Variants in AGFG1 observed in about 807,000 individuals in gnomAD.
AGFG1 encodes arf-GAP domain and FG repeat-containing protein 1.
In AGFG1, 10 loss-of-function variants were observed where a neutral mutation model predicts 60.6. That is an observed-to-expected ratio of 0.16 (90% CI 0.10 to 0.28). The LOEUF is 0.28. AGFG1 is among the 10% of genes least tolerant of loss of function. The pLI is 1.00. For missense variants in AGFG1, 537 were observed against 676.5 expected, an observed-to-expected ratio of 0.79 and a Z score of 2.29; for synonymous variants, 247 against 242.9, an observed-to-expected ratio of 1.02 and a Z score of -0.16.
Position 227,472,515 on chromosome 2 carries a change from TG to T in AGFG1, c.95del (p.Cys32SerfsTer11). 6.3e-7 allele frequency: 1 copy of T among 1,582,892 alleles called. No homozygotes were observed. Among genetic ancestry groups the T allele is most frequent in the Non-Finnish European group, 8.6e-7 (1 of 1,164,534 alleles). On this transcript the variant is annotated frameshift_variant, in exon 1 of 13. Transcript: ENST00000310078. LOFTEE classifies it high-confidence loss of function. ...GLPHNRKCFDCDQRGPTYVNM... is the reference protein window; with the variant it reads ...GLPHNRKCFDXDQRGPTYVNM... ...CCCGCACAACCGAAAGTGCTTCGAC[TG>T]CGACCAGCGCGGCCCCACCTACGTT...
chr2:227,508,833 G>A (rs561720322), intron 2 of AGFG1, among the ~76,000 whole-genome samples: 48 of 152,250 alleles, frequency 3.2e-4, no homozygotes, highest in African/African-American at 1.1e-3. Flanking sequence ...TGCAAGGATA[G>A]GCACGGATCT....
intron 1 of AGFG1, among the ~76,000 whole-genome samples, chr2:227,481,497 T>G (rs1690462959): frequency 6.6e-6 from 1 of 152,184 alleles, no homozygotes; most frequent in South Asian, 2.1e-4. Context: ...TGTCCTGTGG[T>G]GGGAATCAGT....
chr2:227,531,890 G>T (rs911882874), intron 6 of AGFG1, among the ~76,000 whole-genome samples: 1 of 152,176 alleles, frequency 6.6e-6, no homozygotes, highest in South Asian at 2.1e-4. Context: ...TTAGACAAGA[G>T]TAGATTAATG....
chr2:227,534,891 T>C lies in AGFG1; in HGVS notation c.1071T>C (p.Val357=), dbSNP rs769050465. The change falls in exon 8 of 13, where the codon GTT becomes GTC. Residue 357 remains valine (V), a synonymous_variant. Transcript: ENST00000310078. ...TTGGGACCACAGGTAAAGCTCCTGT[T>C]GGTTCTGTGGTTTCAGTTCCCAGTC... The part of the protein sequence containing the change: ...SGFGTTGKAP[V]GSVVSVPSQS... The C allele has an allele frequency of 8.1e-6, 13 of 1,613,756 alleles. No homozygotes were observed. In the South Asian group the frequency reaches 9.9e-5, roughly 12 times the overall value.
intron 2 of AGFG1, among the ~76,000 whole-genome samples, chr2:227,515,765 A>G (rs1691632255): frequency 6.6e-6 from 1 of 151,996 alleles, no homozygotes; most frequent in Non-Finnish European, 1.5e-5. Flanking sequence ...CCAACCTTGA[A>G]ACCCCCTTTT....
Position 227,557,417 on chromosome 2 carries a change from TC to T in AGFG1, c.*2924del, listed in dbSNP as rs1199191424. On this transcript the variant is annotated 3_prime_UTR_variant, in exon 13 of 13. Coordinates refer to ENST00000310078, the MANE Select transcript of AGFG1 (RefSeq NM_004504.5). ...GCACACACACCCACTTTAGTACAGT[TC>T]CTGTCAATTGGCAACATGGAGAGGG... 6.6e-6 allele frequency: 1 copy of T among 152,156 alleles called. No homozygotes were observed. The highest frequency in any genetic ancestry group is 1.5e-5 in the Non-Finnish European group (1 of 68,044). The allele number at this position is 152,156 out of a possible 1,614,324, so 9.4% of individuals were successfully genotyped here. A position where few individuals can be genotyped will look rare whatever the true frequency, so the allele number is the denominator to read the frequency against.
At position 227,497,730 on chromosome 2, in the gene AGFG1, G is replaced by GTTTTTTTTTTTT. The variant is rs148621752; in HGVS notation, c.261+6094_261+6095insTTTTTTTTTTTT. Reference sequence around the variant, plus strand: ...ATATAGCCAAATGAGTTTCTTTCTTGTTTTGTTTTTTTTTTTTTTTTTTTT... The same window carrying GTTTTTTTTTTTT: ...ATATAGCCAAATGAGTTTCTTTCTTGTTTTTTTTTTTTTTTTGTTTTTTTTTTTTTTTTTTTT... On this transcript the variant is annotated intron_variant, in intron 2 of 12. Coordinates refer to ENST00000310078, the MANE Select transcript of AGFG1 (RefSeq NM_004504.5). 7.7e-4 allele frequency among the ~76,000 whole-genome samples: 30 copies of GTTTTTTTTTTTT among 38,920 alleles called. 5 individuals carry two copies. Among genetic ancestry groups the GTTTTTTTTTTTT allele is most frequent in the African/African-American group, 1.9e-3 (25 of 13,230 alleles). 25.5% of individuals were successfully genotyped at this position (38,920 alleles called of 152,430 possible).
intron 11 of AGFG1, 152 bp from the exon 12 acceptor site, chr2:227,553,552 A>G (rs1299233795): frequency 1.7e-5 from 10 of 576,012 alleles, no homozygotes; most frequent in Non-Finnish European, 3.1e-5. Flanking sequence ...TGTCTTTGGT[A>G]TCTGAAAGAG....
chr2:227,485,074 A>G (rs1163191375), intron 1 of AGFG1, among the ~76,000 whole-genome samples: 3 of 152,032 alleles, frequency 2.0e-5, no homozygotes, highest in African/African-American at 4.8e-5. Context: ...TACTTCAAAC[A>G]TAGCTTTGCT....
chr2:227,553,781 A>G lies in AGFG1; in HGVS notation c.1615A>G (p.Ser539Gly), dbSNP rs1425622806. 1 of 1,613,288 alleles carries G rather than the reference A, an allele frequency of 6.2e-7. No homozygotes were observed. Among genetic ancestry groups the G allele is most frequent in the Non-Finnish European group, 8.5e-7 (1 of 1,179,412 alleles). ...FGQVAAAGVS[S>G]NPFMTGAPTG... The stretch of plus-strand genomic sequence containing the variant: ...TCAAGTTGCAGCTGCTGGAGTATCT[A>G]GTAATCCTTTTATGGTAAGCAAAAT... Residue 539 changes from serine to glycine, a missense_variant, in exon 12 of 13, where the codon AGT becomes GGT. Ser to Gly is a moderately conservative substitution (Grantham distance 56). Transcript: ENST00000310078.
intron 1 of AGFG1, among the ~76,000 whole-genome samples, chr2:227,475,108 T>G (rs1319728068): frequency 6.6e-6 from 1 of 152,206 alleles, no homozygotes; most frequent in Non-Finnish European, 1.5e-5. Flanking sequence ...ATCTGTCACT[T>G]TGGATTTTAT....
Position 227,553,621 on chromosome 2 carries a change from T to C in AGFG1, c.1538-83T>C, listed in dbSNP as rs1430492249. On this transcript the variant is annotated intron_variant, in intron 11 of 12. Coordinates refer to ENST00000310078, the MANE Select transcript of AGFG1 (RefSeq NM_004504.5). ...TTTTTGCTGCTCTGGTAGGAATGTC[T>C]CTGAAAGTTATTATGAGGCTTTATA... The C allele has an allele frequency of 3.5e-6, 4 of 1,147,516 alleles. No individual in the cohort carries two copies. In the Admixed American group the frequency reaches 7.6e-5, roughly 22 times the overall value. The allele number at this position is 1,147,516 out of a possible 1,614,324, so 71.1% of individuals were successfully genotyped here. A position where few individuals can be genotyped will look rare whatever the true frequency, so the allele number is the denominator to read the frequency against.
In AGFG1 at chr2:227,533,660, C is replaced by T. The variant is rs1233607456; in HGVS notation, c.926C>T (p.Ser309Leu). 5 of 1,613,296 alleles carry T rather than the reference C, an allele frequency of 3.1e-6. No individual in the cohort carries two copies. In the African/African-American group the frequency reaches 5.3e-5, roughly 17 times the overall value. The part of the protein sequence containing the change: ...FNTSQSHQTA[S>L]AVSKVSTNKA... ...ACTTCCCAGAGTCATCAAACAGCAT[C>T]AGCTGTTAGTAAAGTTTCAACGAAC... The change falls in exon 7 of 13, where the codon TCA becomes TTA. Residue 309 changes from serine (S) to leucine (L), a missense_variant. This residue lies in a region of AGFG1 where 287 missense variants were observed against 343.6 expected (regional missense o/e 0.84). Coordinates refer to ENST00000310078, the MANE Select transcript of AGFG1 (RefSeq NM_004504.5).
At chr2:227,493,816 T>C (rs2106172004) in intron 2 of AGFG1, among the ~76,000 whole-genome samples, 1 of 152,178 alleles carries the variant, frequency 6.6e-6, no homozygotes, top group Middle Eastern at 3.4e-3. Context: ...AGATAAATAA[T>C]GATAAGAATA....
At chr2:227,489,871 A>G (rs1401803690) in intron 1 of AGFG1, among the ~76,000 whole-genome samples, 1 of 151,374 alleles carries the variant, frequency 6.6e-6, no homozygotes, top group Non-Finnish European at 1.5e-5. Flanking sequence ...GATGGAGTGC[A>G]GTGGCACGAT....
At chr2:227,529,173 T>G (rs1692088261) in intron 5 of AGFG1, among the ~76,000 whole-genome samples, 1 of 152,204 alleles carries the variant, frequency 6.6e-6, no homozygotes. Context: ...GATACCATCT[T>G]TTGACGTTTT....
At chr2:227,553,842 T>C (rs1035598504) in intron 12 of AGFG1, 47 bp downstream of exon 12, 28 of 1,413,518 alleles carry the variant, frequency 2.0e-5, no homozygotes, top group South Asian at 4.8e-5. Flanking sequence ...TTAAATCTTA[T>C]TTTAAAATTA....
intron 12 of AGFG1, 113 bp downstream of exon 12, chr2:227,553,908 T>A (rs988122315): frequency 1.4e-6 from 1 of 725,864 alleles, no homozygotes; most frequent in Non-Finnish European, 2.3e-6. Context: ...TTGATATGAG[T>A]GACATCATAA....
chr2:227,479,099 A>G (rs1690380755), intron 1 of AGFG1, among the ~76,000 whole-genome samples: 2 of 152,224 alleles, frequency 1.3e-5, no homozygotes. Context: ...ATGAATGTTC[A>G]TTGTGCAGTA....
Sources: gnomAD v4.1 joint callset for allele counts (sites outside exome capture counted in the v4.1 genomes callset) on GRCh38, gnomAD v4.1.1 for gene constraint, gnomAD v4.1.1 regional missense constraint, MANE v1.5 for transcripts, NCBI Gene and HGNC (gene_info 2026-07-23, HGNC 2026-07-21) for gene names.